KIAA1217: variants seen among roughly 807,000 people sequenced by gnomAD.
KIAA1217 encodes the protein KIAA1217.
KIAA1217 carries 88 observed loss-of-function variants against 163.9 expected under a neutral mutation model. The ratio of observed to expected loss-of-function variants is 0.54; its 90% confidence interval spans 0.45 to 0.64. The LOEUF (loss-of-function observed/expected upper bound fraction) is 0.64, where lower values mean the gene tolerates loss of function less well. KIAA1217 is among the 30% of genes least tolerant of loss of function. The pLI is 0.00. For missense variants in KIAA1217, 2,372 were observed against 2,475.0 expected (o/e 0.96, Z 0.88); for synonymous variants, 903 against 923.1 (o/e 0.98, Z 0.39).
At chr10:24,294,251 T>G (rs1030815223) in intron 2 of KIAA1217, among the ~76,000 whole-genome samples, 1 of 148,948 alleles carries the variant, frequency 6.7e-6, no homozygotes, top group Non-Finnish European at 1.5e-5. Flanking sequence ...ACTGGCCACC[T>G]TGGGGCTCTA....
At chr10:24,211,679 G>T (rs758371526) in intron 1 of KIAA1217, among the ~76,000 whole-genome samples, 4 of 151,628 alleles carry the variant, frequency 2.6e-5, no homozygotes, top group South Asian at 2.1e-4. Flanking sequence ...GTAATACTGG[G>T]TGCTGTATTG....
intron 2 of KIAA1217, among the ~76,000 whole-genome samples, chr10:24,053,194 A>G (rs1020189604): frequency 1.3e-5 from 2 of 151,838 alleles, no homozygotes; most frequent in Non-Finnish European, 2.9e-5. Context: ...AACCTAGAGG[A>G]AACTATAAGT....
At chr10:23,770,726 C>G (rs1000916433) in intron 1 of KIAA1217, among the ~76,000 whole-genome samples, 1 of 152,122 alleles carries the variant, frequency 6.6e-6, no homozygotes, top group Non-Finnish European at 1.5e-5. Context: ...TCCTAATTTC[C>G]CCCAAAGCAA....
At chr10:24,085,887 C>G (rs1426779272) in intron 2 of KIAA1217, among the ~76,000 whole-genome samples, 10 of 152,070 alleles carry the variant, frequency 6.6e-5, no homozygotes, top group East Asian at 1.9e-4. Flanking sequence ...GTGAGAGGAT[C>G]ACTTAAGCAG....
intron 1 of KIAA1217, among the ~76,000 whole-genome samples, chr10:23,779,482 T>A (rs6482346): frequency 0.019 from 2,890 of 152,266 alleles, 94 homozygotes; most frequent in African/African-American, 0.066. Flanking sequence ...TCACTCAGTG[T>A]GAATGTTTTC....
chr10:24,406,392 A>AAC (rs34564889), intron 3 of KIAA1217, among the ~76,000 whole-genome samples: 50,766 of 133,730 alleles, frequency 0.38, 10,094 homozygotes, highest in Non-Finnish European at 0.47. Flanking sequence ...TTCACACACA[A>AAC]ACACACACAC....
At chr10:24,304,337 A>C (rs1312824706) in intron 2 of KIAA1217, among the ~76,000 whole-genome samples, 1 of 151,524 alleles carries the variant, frequency 6.6e-6, no homozygotes, top group Admixed American at 6.6e-5. Flanking sequence ...GCTTTATTTA[A>C]ATTTTTTTAA....
Position 24,473,737 on chromosome 10 carries a change from A to G in KIAA1217, c.1356A>G (p.Arg452=). Residue 452 remains arginine, a synonymous_variant, in exon 6 of 21, where the codon AGA becomes AGG. Coordinates refer to ENST00000376454, the MANE Select transcript of KIAA1217 (RefSeq NM_019590.5). ...AEMHMEQSLY[R]QKSRKYPDSH... is the part of the protein sequence containing the mutation. ...TGCATATGGAACAATCACTGTACAG[A>G]CAGAAATCAAGGAAATATCCGGATA... 1 of 1,614,054 alleles carries G rather than the reference A, an allele frequency of 6.2e-7. No individual in the cohort carries two copies. Among genetic ancestry groups the G allele is most frequent in the Non-Finnish European group, 8.5e-7 (1 of 1,180,028 alleles).
At chr10:24,037,253 G>C (rs1436567818) in intron 2 of KIAA1217, among the ~76,000 whole-genome samples, 1 of 152,098 alleles carries the variant, frequency 6.6e-6, no homozygotes, top group Non-Finnish European at 1.5e-5. Context: ...ATCACCTGAG[G>C]TCAGGAGTTC....
intron 2 of KIAA1217, among the ~76,000 whole-genome samples, chr10:24,201,443 A>G (rs2067249658): frequency 1.3e-5 from 2 of 152,172 alleles, no homozygotes; most frequent in Admixed American, 6.5e-5. Context: ...GGGAGTGTTT[A>G]CAAAGCAAAA....
intron 2 of KIAA1217, among the ~76,000 whole-genome samples, chr10:24,079,042 C>G (rs1386293066): frequency 6.6e-6 from 1 of 152,194 alleles, no homozygotes; most frequent in Non-Finnish European, 1.5e-5. Flanking sequence ...GAAATCAGGT[C>G]CCTTCTGTGG....
At chr10:24,320,712 A>AT (rs1187668831) in intron 2 of KIAA1217, among the ~76,000 whole-genome samples, 1 of 152,126 alleles carries the variant, frequency 6.6e-6, no homozygotes, top group Non-Finnish European at 1.5e-5. Flanking sequence ...AAAATTCTCC[A>AT]TTTTTTCATT....
At chr10:24,148,540 C>T (rs1009922215) in intron 2 of KIAA1217, among the ~76,000 whole-genome samples, 1 of 152,110 alleles carries the variant, frequency 6.6e-6, no homozygotes, top group Non-Finnish European at 1.5e-5. Flanking sequence ...TGATTGAGTT[C>T]TCGCTGTAAG....
intron 3 of KIAA1217, among the ~76,000 whole-genome samples, chr10:24,405,901 A>G (rs923280070): frequency 6.6e-6 from 1 of 152,176 alleles, no homozygotes; most frequent in Non-Finnish European, 1.5e-5. Flanking sequence ...GCATTTTCTA[A>G]AAGGAATGCT....
At chr10:23,830,846 A>ACACACT (rs1554805372) in intron 1 of KIAA1217, among the ~76,000 whole-genome samples, 2 of 151,800 alleles carry the variant, frequency 1.3e-5, no homozygotes, top group Non-Finnish European at 2.9e-5. Context: ...ACACACACAC[A>ACACACT]CACTCACTCA....
chr10:24,164,191 A>G (rs2065240586), intron 2 of KIAA1217, among the ~76,000 whole-genome samples: 1 of 152,142 alleles, frequency 6.6e-6, no homozygotes, highest in African/African-American at 2.4e-5. Context: ...AGAATAGGAA[A>G]GCCACCCAGT....
intron 2 of KIAA1217, among the ~76,000 whole-genome samples, chr10:24,335,611 T>TATTTATTTATTTATTTATTTATTC (rs1564492356): frequency 1.4e-5 from 2 of 145,306 alleles, no homozygotes; most frequent in South Asian, 4.5e-4. Flanking sequence ...TTTATTTATT[T>TATTTATTTATTTATTTATTTATTC]ATTTATTTAT....
chr10:24,268,504 A>G (rs1358741208), intron 2 of KIAA1217, among the ~76,000 whole-genome samples: 3 of 150,580 alleles, frequency 2.0e-5, no homozygotes, highest in African/African-American at 4.9e-5. Context: ...CAAAACCACT[A>G]TGAGGTATCA....
intron 2 of KIAA1217, among the ~76,000 whole-genome samples, chr10:24,018,897 T>G (rs1847610051): frequency 6.6e-6 from 1 of 152,090 alleles, no homozygotes; most frequent in Non-Finnish European, 1.5e-5. Context: ...ATCTTGTCAT[T>G]TGCTACAACA....
Sources: gnomAD v4.1 joint callset for allele counts (sites outside exome capture counted in the v4.1 genomes callset) on GRCh38, gnomAD v4.1.1 for gene constraint, MANE v1.5 for transcripts, NCBI Gene and HGNC (gene_info 2026-07-23, HGNC 2026-07-21) for gene names.